The following DNAJC8 variants were observed in gnomAD, a reference collection of about 807,000 sequenced individuals.
DNAJC8 encodes the protein dnaJ homolog subfamily C member 8.
Under a neutral mutation model 43.2 loss-of-function variants are expected in DNAJC8, and 24 were observed. That is an observed-to-expected ratio of 0.56 (90% CI 0.40 to 0.78). The LOEUF (loss-of-function observed/expected upper bound fraction) is 0.78. DNAJC8 is among the 30% of genes least tolerant of loss of function. The probability of loss-of-function intolerance (pLI) is 0.00; values close to 1 mark genes in which losing one functional copy is unlikely to be tolerated. For missense variants in DNAJC8, 207 were observed against 299.4 expected, an observed-to-expected ratio of 0.69 and a Z score of 2.28; for synonymous variants, 83 against 98.0, an observed-to-expected ratio of 0.85 and a Z score of 0.90.
chr1:28,212,210 TATATAAATG>T (rs1646818736), intron 3 of DNAJC8, among the ~76,000 whole-genome samples: 1 of 109,496 alleles, frequency 9.1e-6, no homozygotes, highest in Non-Finnish European at 1.9e-5. Flanking sequence ...TATATATATA[TATATAAATG>T]AAATTAACTA....
chr1:28,212,168 A>AATATATATATATATATATAT (rs201782610), intron 3 of DNAJC8, among the ~76,000 whole-genome samples: 2 of 31,016 alleles, frequency 6.4e-5, no homozygotes, highest in Admixed American at 5.0e-4. Flanking sequence ...TAAATAAATA[A>AATATATATATATATATATAT]ATATATATAT....
intron 1 of DNAJC8, among the ~76,000 whole-genome samples, chr1:28,231,687 G>A (rs1382701167): frequency 6.6e-6 from 1 of 151,558 alleles, no homozygotes; most frequent in Non-Finnish European, 1.5e-5. Context: ...TGCACTCCAG[G>A]CCTGGGCAAC....
chr1:28,212,453 T>C (rs948376321), intron 3 of DNAJC8, among the ~76,000 whole-genome samples: 3 of 150,820 alleles, frequency 2.0e-5, no homozygotes, highest in South Asian at 4.2e-4. Flanking sequence ...GTTGTTGTTT[T>C]TCGTTTTTTG....
At chr1:28,218,121 G>A (rs1413871970) in intron 2 of DNAJC8, among the ~76,000 whole-genome samples, 1 of 143,140 alleles carries the variant, frequency 7.0e-6, no homozygotes, top group African/African-American at 2.6e-5. Context: ...TTGAGATGGA[G>A]TTTCGCTCTT....
At chr1:28,216,702 T>C (rs1042902672) in intron 2 of DNAJC8, among the ~76,000 whole-genome samples, 7 of 152,138 alleles carry the variant, frequency 4.6e-5, no homozygotes, top group East Asian at 1.9e-4. Flanking sequence ...CCCATTTGCA[T>C]GTGGACTGTA....
At chr1:28,227,495 G>C (rs1214750740) in intron 2 of DNAJC8, among the ~76,000 whole-genome samples, 1 of 151,326 alleles carries the variant, frequency 6.6e-6, no homozygotes, top group Non-Finnish European at 1.5e-5. Flanking sequence ...GGGAGCCCAA[G>C]GTGGGCAAAT....
chr1:28,216,687 C>T (rs1378317026), intron 2 of DNAJC8, among the ~76,000 whole-genome samples: 1 of 151,792 alleles, frequency 6.6e-6, no homozygotes, highest in Non-Finnish European at 1.5e-5. Context: ...TTGGGGACAG[C>T]TGGGCCCATT....
At chr1:28,211,985 G>A (rs57746443) in intron 3 of DNAJC8, among the ~76,000 whole-genome samples, 29 of 150,640 alleles carry the variant, frequency 1.9e-4, no homozygotes, top group African/African-American at 5.4e-4. Context: ...GTGAAACCCC[G>A]TCTCTACTAA....
At position 28,200,642 on chromosome 1, in the gene DNAJC8, C is replaced by T. The variant is rs1238450669; in HGVS notation, c.*606G>A. On this transcript the variant is annotated 3_prime_UTR_variant, in exon 9 of 9. Transcript: ENST00000263697. ...GGACATGGTACTGGGTGGAGGACGG[C>T]TAGCTCTTTGGAAAGTGAAAGGTTT... 3 of 455,552 alleles carry T rather than the reference C, an allele frequency of 6.6e-6. No homozygotes were observed. Among genetic ancestry groups the T allele is most frequent in the South Asian group, 4.6e-5 (3 of 64,522 alleles). 28.2% of individuals were successfully genotyped at this position (455,552 alleles called of 1,614,324 possible).
At chr1:28,225,769 C>T (rs1309530190) in intron 2 of DNAJC8, among the ~76,000 whole-genome samples, 1 of 144,606 alleles carries the variant, frequency 6.9e-6, no homozygotes, top group African/African-American at 2.6e-5. Flanking sequence ...GTAGCACAAT[C>T]TCGGCTCACT....
At chr1:28,226,787 G>T (rs1330156954) in intron 2 of DNAJC8, among the ~76,000 whole-genome samples, 1 of 151,132 alleles carries the variant, frequency 6.6e-6, no homozygotes, top group Non-Finnish European at 1.5e-5. Flanking sequence ...CTCATGACTA[G>T]AGTAAGTTTC....
Position 28,200,638 on chromosome 1 carries a change from A to AC in DNAJC8, c.*609dup. On this transcript the variant is annotated 3_prime_UTR_variant, in exon 9 of 9. Transcript: ENST00000263697. ...GCTAGGACATGGTACTGGGTGGAGG[A>AC]CGGCTAGCTCTTTGGAAAGTGAAAG... 4.4e-6 allele frequency: 2 copies of AC among 455,686 alleles called. No homozygotes were observed. Among genetic ancestry groups the AC allele is most frequent in the South Asian group, 1.5e-5 (1 of 64,534 alleles). The allele number at this position is 455,686 out of a possible 1,614,324, so 28.2% of individuals were successfully genotyped here.
chr1:28,222,113 C>T (rs1646902227), intron 2 of DNAJC8, among the ~76,000 whole-genome samples: 1 of 152,066 alleles, frequency 6.6e-6, no homozygotes, highest in African/African-American at 2.4e-5. Context: ...AATGGGTATA[C>T]AATTTCAGTT....
intron 2 of DNAJC8, among the ~76,000 whole-genome samples, chr1:28,224,332 A>T (rs1338847158): frequency 6.6e-6 from 1 of 152,126 alleles, no homozygotes; most frequent in East Asian, 1.9e-4. Flanking sequence ...CAATGGTGCA[A>T]TCTCGGCTCA....
chr1:28,209,483 C>CA (rs970502909), intron 5 of DNAJC8, among the ~76,000 whole-genome samples: 1 of 152,200 alleles, frequency 6.6e-6, no homozygotes, highest in Non-Finnish European at 1.5e-5. Flanking sequence ...AGCTACAACT[C>CA]AGTTTCCTTC....
intron 6 of DNAJC8, 49 bp downstream of exon 6, chr1:28,208,293 G>A (rs746094380): frequency 3.5e-5 from 51 of 1,446,696 alleles, no homozygotes; most frequent in Non-Finnish European, 4.5e-5. Flanking sequence ...CCACCAATTC[G>A]TAGACACAAT....
In DNAJC8 at chr1:28,205,431, C is replaced by T. The variant is rs565440085; in HGVS notation, c.472-82G>A. On this transcript the variant is annotated intron_variant, in intron 6 of 8. Coordinates refer to ENST00000263697, the MANE Select transcript of DNAJC8 (RefSeq NM_014280.3). ...GAACCATGTACTTTCACCTGGAGTC[C>T]AAGATAAAGCAGATTAAAACCTGGC... 4.9e-4 allele frequency: 505 copies of T among 1,025,144 alleles called. 2 individuals are homozygous for T. Among genetic ancestry groups the T allele is most frequent in the Non-Finnish European group, 6.1e-4 (420 of 684,990 alleles). 63.5% of individuals were successfully genotyped at this position (1,025,144 alleles called of 1,614,324 possible).
intron 2 of DNAJC8, among the ~76,000 whole-genome samples, chr1:28,225,776 C>T (rs941396792): frequency 6.7e-6 from 1 of 148,486 alleles, no homozygotes; most frequent in African/African-American, 2.5e-5. Context: ...AATCTCGGCT[C>T]ACTGCAACCT....
At chr1:28,204,348 G>C (rs1377043918) in intron 7 of DNAJC8, among the ~76,000 whole-genome samples, 1 of 151,814 alleles carries the variant, frequency 6.6e-6, no homozygotes, top group Non-Finnish European at 1.5e-5. Flanking sequence ...TGGGAGGCTG[G>C]GGCAGGTGGA....
Sources: allele counts gnomAD v4.1 joint callset (sites outside exome capture counted in the v4.1 genomes callset), GRCh38; gene constraint gnomAD v4.1.1; transcripts MANE v1.5; gene names NCBI Gene and HGNC (gene_info 2026-07-23, HGNC 2026-07-21).